CHST15: variants seen among roughly 807,000 people sequenced by gnomAD.
The protein encoded by CHST15 is carbohydrate sulfotransferase 15.
Under a neutral mutation model 53.6 loss-of-function variants are expected in CHST15, and 30 were observed. The observed-to-expected ratio is 0.56, with a 90% CI of 0.42 to 0.76. The LOEUF (loss-of-function observed/expected upper bound fraction) is 0.76. Among genes scored for constraint, CHST15 ranks in the 30% least tolerant of loss-of-function variants. The pLI, the probability that CHST15 is intolerant of heterozygous loss-of-function variation, is 0.00. For missense variants in CHST15, 627 were observed against 740.5 expected (o/e 0.85, Z 1.78); for synonymous variants, 296 against 289.8 (o/e 1.02, Z -0.22).
In CHST15 at chr10:124,009,094, A is replaced by C; in HGVS notation, c.*1055T>G. On this transcript the variant is annotated 3_prime_UTR_variant, in exon 8 of 8. Coordinates refer to ENST00000435907, the MANE Select transcript of CHST15 (RefSeq NM_001270764.2). Reference sequence around the variant, plus strand: ...TGACCACACGCAGTGGAGAATGTGGAAATAAACTATTTCCAATGGGAAGGC... The same window carrying C: ...TGACCACACGCAGTGGAGAATGTGGCAATAAACTATTTCCAATGGGAAGGC... The C allele has an allele frequency of 7.9e-7, 1 of 1,265,952 alleles. No homozygotes were observed. The highest frequency in any genetic ancestry group is 5.7e-5 in the East Asian group (1 of 17,474). The allele number at this position is 1,265,952 out of a possible 1,614,324, so 78.4% of individuals were successfully genotyped here. A position where few individuals can be genotyped will look rare whatever the true frequency, so the allele number is the denominator to read the frequency against.
intron 5 of CHST15, among the ~76,000 whole-genome samples, chr10:124,022,290 T>C (rs372161651): frequency 3.2e-4 from 49 of 152,222 alleles, no homozygotes; most frequent in Admixed American, 4.6e-4. Flanking sequence ...TGCCACGTAA[T>C]TGAACTGAAC....
intron 6 of CHST15, chr10:124,020,713 G>A (rs1946748002): frequency 9.9e-7 from 1 of 1,006,534 alleles, no homozygotes. Flanking sequence ...GGGCTAAAAG[G>A]TGCTGAATTC....
intron 1 of CHST15, among the ~76,000 whole-genome samples, chr10:124,051,335 G>T (rs1667279449): frequency 6.6e-6 from 1 of 152,130 alleles, no homozygotes; most frequent in African/African-American, 2.4e-5. Flanking sequence ...ACATAACTCA[G>T]GGAAGAAAAA....
chr10:124,008,704 A>G lies in CHST15; in HGVS notation c.*1445T>C, dbSNP rs10899. On this transcript the variant is annotated 3_prime_UTR_variant, in exon 8 of 8. Coordinates refer to ENST00000435907, the MANE Select transcript of CHST15 (RefSeq NM_001270764.2). ...TCACACATACAAGTTAGAGCTGGGT[A>G]GACGGGTGCTTGCACTTTCTGGCTT... 495,496 of 1,148,016 alleles carry G rather than the reference A, an allele frequency of 0.43. 107,884 individuals are homozygous for G. The highest frequency in any genetic ancestry group is 0.46 in the East Asian group (7,479 of 16,374). 71.1% of individuals were successfully genotyped at this position (1,148,016 alleles called of 1,614,324 possible). A position where few individuals can be genotyped will look rare whatever the true frequency, so the allele number is the denominator to read the frequency against.
At chr10:124,012,242 C>G (rs1946436321) in intron 7 of CHST15, 91 bp downstream of exon 7, 1 of 1,464,136 alleles carries the variant, frequency 6.8e-7, no homozygotes, top group Non-Finnish European at 9.3e-7. Flanking sequence ...TCCCACCCAG[C>G]TGACCAGGTC....
At chr10:124,085,017 G>A (rs575365060) in intron 1 of CHST15, among the ~76,000 whole-genome samples, 130 of 152,282 alleles carry the variant, frequency 8.5e-4, no homozygotes, top group African/African-American at 3.1e-3. Context: ...TAATCCTGGC[G>A]GTTCCTTCCA....
At chr10:124,020,201 G>T (rs1946724611) in intron 6 of CHST15, 1 of 985,548 alleles carries the variant, frequency 1.0e-6, no homozygotes. Flanking sequence ...CAACAGCCTG[G>T]TACAGCAGCA....
intron 5 of CHST15, among the ~76,000 whole-genome samples, chr10:124,023,679 T>C (rs1162901890): frequency 2.0e-5 from 3 of 152,048 alleles, no homozygotes; most frequent in Non-Finnish European, 2.9e-5. Context: ...ATGAAAAACA[T>C]GGCCTACGTG....
At chr10:124,059,414 A>G (rs1265152452) in intron 1 of CHST15, among the ~76,000 whole-genome samples, 9 of 152,182 alleles carry the variant, frequency 5.9e-5, no homozygotes, top group Non-Finnish European at 1.3e-4. Flanking sequence ...TGACACAGAT[A>G]GAGAAATGAA....
chr10:124,031,209 T>C (rs1420492629), intron 5 of CHST15, among the ~76,000 whole-genome samples: 1 of 152,194 alleles, frequency 6.6e-6, no homozygotes, highest in Non-Finnish European at 1.5e-5. Flanking sequence ...CTGGCCCTAC[T>C]CCCTCAACTA....
intron 1 of CHST15, among the ~76,000 whole-genome samples, chr10:124,055,596 A>G (rs904129706): frequency 6.6e-6 from 1 of 152,228 alleles, no homozygotes; most frequent in Non-Finnish European, 1.5e-5. Context: ...TCTACAGTAG[A>G]ACAAGGTACT....
At chr10:124,026,970 G>A (rs547968450) in intron 5 of CHST15, among the ~76,000 whole-genome samples, 1 of 152,254 alleles carries the variant, frequency 6.6e-6, no homozygotes, top group South Asian at 2.1e-4. Context: ...GATAGCGTGG[G>A]GGCCAGGGGA....
rs577947517 is a variant in CHST15 at position 124,064,588 on chromosome 10, G to A, written c.-512-17864C>T. On this transcript the variant is annotated intron_variant, in intron 1 of 7. Transcript: ENST00000435907. Reference sequence around the variant, plus strand: ...TTTGGGCAGGTCCCCCAAGCCCTGAGCCCCTCTTCGTTGCTGGGCTGTACC... The same window carrying A: ...TTTGGGCAGGTCCCCCAAGCCCTGAACCCCTCTTCGTTGCTGGGCTGTACC... Among the ~76,000 whole-genome samples the A allele has an allele frequency of 1.4e-3, 210 of 152,164 alleles. 1 individual carries two copies. Among genetic ancestry groups the A allele is most frequent in the Middle Eastern group, 6.8e-3 (2 of 294 alleles).
At chr10:124,042,179 A>G in intron 4 of CHST15, 122 bp downstream of exon 4, 1 of 973,934 alleles carries the variant, frequency 1.0e-6, no homozygotes, top group Non-Finnish European at 1.5e-6. Flanking sequence ...TGGAGGCTCA[A>G]AAGAAGTTTG....
chr10:124,027,291 G>A (rs1289221333), intron 5 of CHST15, among the ~76,000 whole-genome samples: 1 of 152,104 alleles, frequency 6.6e-6, no homozygotes, highest in Non-Finnish European at 1.5e-5. Context: ...TATGTTAGGG[G>A]GCATAGGGCT....
intron 3 of CHST15, among the ~76,000 whole-genome samples, chr10:124,044,105 C>T (rs1947857276): frequency 6.6e-6 from 1 of 150,674 alleles, no homozygotes; most frequent in Non-Finnish European, 1.5e-5. Context: ...CAGGGAACGG[C>T]ACAGAGCAGA....
intron 1 of CHST15, among the ~76,000 whole-genome samples, chr10:124,049,087 T>TA (rs1948101319): frequency 6.6e-6 from 1 of 152,196 alleles, no homozygotes; most frequent in Non-Finnish European, 1.5e-5. Context: ...AACACTCAGA[T>TA]ACAGTGTTTT....
chr10:124,048,841 A>T (rs1164134599), intron 1 of CHST15, among the ~76,000 whole-genome samples: 1 of 152,280 alleles, frequency 6.6e-6, no homozygotes, highest in East Asian at 1.9e-4. Context: ...CTGGACCCAA[A>T]CGAATGGGCA....
rs75049941 is a variant in CHST15 at position 124,084,192 on chromosome 10, G to A, written c.-513+9277C>T. The stretch of plus-strand genomic sequence containing the variant: ...TGACCCTCCCAAGGGCAGGGGCCAC[G>A]CGCTGGCTGGGAAGCAAGGACAAAG... On this transcript the variant is annotated intron_variant, in intron 1 of 7. Coordinates refer to ENST00000435907, the MANE Select transcript of CHST15 (RefSeq NM_001270764.2). 3.9e-3 allele frequency among the ~76,000 whole-genome samples: 598 copies of A among 152,308 alleles called. 5 individuals carry two copies. The highest frequency in any genetic ancestry group is 0.014 in the African/African-American group (573 of 41,574).
Sources: gnomAD v4.1 joint callset for allele counts (sites outside exome capture counted in the v4.1 genomes callset) on GRCh38, gnomAD v4.1.1 for gene constraint, MANE v1.5 for transcripts, NCBI Gene and HGNC (gene_info 2026-07-23, HGNC 2026-07-21) for gene names.